The following SCUBE1 variants were observed in gnomAD, a reference collection of about 807,000 sequenced individuals.
SCUBE1 encodes the protein signal peptide, CUB and EGF-like domain-containing protein 1.
In SCUBE1, 59 loss-of-function variants were observed where a neutral mutation model predicts 124.4. The observed-to-expected ratio is 0.47, with a 90% CI of 0.38 to 0.59. The LOEUF (loss-of-function observed/expected upper bound fraction) is 0.59, where lower values mean the gene tolerates loss of function less well. Ranked by LOEUF, SCUBE1 falls within the 20% of genes least tolerant of loss-of-function variation. SCUBE1 has a pLI of 0.00. For synonymous variants in SCUBE1, 545 were observed against 550.9 expected (o/e 0.99, Z 0.15); for missense variants, 1,150 against 1,371.2 (o/e 0.84, Z 2.55).
At position 43,201,100 on chromosome 22, in the gene SCUBE1, G is replaced by C. The variant is rs1177694192; in HGVS notation, c.*2897C>G. The stretch of plus-strand genomic sequence containing the variant: ...GGGCGGATCACGAGGTCAGGAGATC[G>C]AGACCATCCTGGCTAATATGGTGAA... On this transcript the variant is annotated 3_prime_UTR_variant, in exon 22 of 22. Coordinates refer to ENST00000360835, the MANE Select transcript of SCUBE1 (RefSeq NM_173050.5). 6.6e-6 allele frequency: 1 copy of C among 151,856 alleles called. No homozygotes were observed. The highest frequency in any genetic ancestry group is 1.5e-5 in the Non-Finnish European group (1 of 67,986). 9.4% of individuals were successfully genotyped at this position (151,856 alleles called of 1,614,324 possible).
chr22:43,339,082 G>A (rs367858103), intron 2 of SCUBE1, 22 bp downstream of exon 2: 37 of 1,612,624 alleles, frequency 2.3e-5, no homozygotes, highest in Non-Finnish European at 2.9e-5. Context: ...GGGTCTGCCC[G>A]GGAGGGCCGG....
At position 43,336,901 on chromosome 22, in the gene SCUBE1, C is replaced by T. The variant is rs549468994; in HGVS notation, c.220+2203G>A. Among the ~76,000 whole-genome samples, 3 of 152,206 alleles carry T rather than the reference C, an allele frequency of 2.0e-5. No individual in the cohort carries two copies. In the East Asian group the frequency reaches 5.8e-4, roughly 29 times the overall value. On this transcript the variant is annotated intron_variant, in intron 2 of 21. Transcript: ENST00000360835. ...GGCAGGCGGAAAATCTGAGCTGGGG[C>T]TCACAAACATAGAGCAACCAAGTGT...
chr22:43,302,984 C>T (rs186825454), intron 3 of SCUBE1, among the ~76,000 whole-genome samples: 11 of 152,324 alleles, frequency 7.2e-5, no homozygotes, highest in Middle Eastern at 3.4e-3. Context: ...CAAACTTCCC[C>T]GAACCAAGGA....
chr22:43,338,960 G>T, intron 2 of SCUBE1, 144 bp downstream of exon 2: 1 of 935,996 alleles, frequency 1.1e-6, no homozygotes, highest in Non-Finnish European at 1.6e-6. Context: ...CCCTCCTGAG[G>T]CTGAGAGAAG....
At chr22:43,249,661 T>A (rs766559342) in intron 6 of SCUBE1, among the ~76,000 whole-genome samples, 2 of 152,202 alleles carry the variant, frequency 1.3e-5, no homozygotes, top group Non-Finnish European at 2.9e-5. Context: ...AAGCAGGTCA[T>A]GGCCATTTGG....
Position 43,198,920 on chromosome 22 carries a change from G to A in SCUBE1, c.*5077C>T, listed in dbSNP as rs180993718. 3.1e-4 allele frequency: 115 copies of A among 372,396 alleles called. No homozygotes were observed. Among genetic ancestry groups the A allele is most frequent in the African/African-American group, 2.4e-3 (113 of 47,120 alleles). The allele number at this position is 372,396 out of a possible 1,614,324, so 23.1% of individuals were successfully genotyped here. ...TTCCGGGGCAGTTTGTCTGTCTGCT[G>A]TCTGGGGCAGTTTGTCTGTCTGTCT... On this transcript the variant is annotated 3_prime_UTR_variant, in exon 22 of 22. Coordinates refer to ENST00000360835, the MANE Select transcript of SCUBE1 (RefSeq NM_173050.5).
At chr22:43,330,952 C>T (rs891309425) in intron 2 of SCUBE1, among the ~76,000 whole-genome samples, 1 of 152,072 alleles carries the variant, frequency 6.6e-6, no homozygotes, top group African/African-American at 2.4e-5. Context: ...CTTCTCTCCC[C>T]GCTGAGCCTC....
intron 7 of SCUBE1, among the ~76,000 whole-genome samples, chr22:43,236,756 C>G (rs1488498315): frequency 1.3e-5 from 2 of 152,194 alleles, no homozygotes; most frequent in African/African-American, 4.8e-5. Context: ...CTGAACTTCT[C>G]TATCCCACAC....
At chr22:43,259,395 T>C (rs894631997) in intron 5 of SCUBE1, among the ~76,000 whole-genome samples, 4 of 152,174 alleles carry the variant, frequency 2.6e-5, no homozygotes, top group African/African-American at 9.7e-5. Flanking sequence ...TATGCAAAAA[T>C]AAATCTCAGA....
At chr22:43,317,846 A>G (rs1926404618) in intron 3 of SCUBE1, among the ~76,000 whole-genome samples, 1 of 152,176 alleles carries the variant, frequency 6.6e-6, no homozygotes. Flanking sequence ...TTAAGATGAG[A>G]TTGTTAGGGT....
In SCUBE1 at chr22:43,199,087, G is replaced by GTCTGTCTGCTGTCTGGGGCAGTTTGTCTT. The variant is rs113930202; in HGVS notation, c.*4909_*4910insAAGACAAACTGCCCCAGACAGCAGACAGA. ...GTCTGCTGTCCGGGGCAGTTTGTTTGTCTGTCTGCTGTCTGGGGCAGTTTG... is the reference window on the plus strand; with the variant it reads ...GTCTGCTGTCCGGGGCAGTTTGTTTGTCTGTCTGCTGTCTGGGGCAGTTTGTCTTTCTGTCTGCTGTCTGGGGCAGTTTG... On this transcript the variant is annotated 3_prime_UTR_variant, in exon 22 of 22. Transcript: ENST00000360835. 12 of 303,634 alleles carry GTCTGTCTGCTGTCTGGGGCAGTTTGTCTT rather than the reference G, an allele frequency of 4.0e-5. No homozygotes were observed. The highest frequency in any genetic ancestry group is 1.1e-4 in the South Asian group (4 of 36,804). The allele number at this position is 303,634 out of a possible 1,614,324, so 18.8% of individuals were successfully genotyped here.
intron 2 of SCUBE1, among the ~76,000 whole-genome samples, chr22:43,326,354 A>G (rs138695105): frequency 6.9e-4 from 105 of 152,260 alleles, no homozygotes; most frequent in African/African-American, 2.2e-3. Flanking sequence ...GGAGAGATGT[A>G]TGGCTTAGGA....
At position 43,238,858 on chromosome 22, in the gene SCUBE1, G is replaced by T. The variant is rs552279204; in HGVS notation, c.824C>A (p.Pro275Gln). The change falls in exon 7 of 22, where the codon CCG becomes CAG. Residue 275 changes from proline to glutamine, a missense_variant. Around this residue, in one of 3 missense-constraint regions of SCUBE1, gnomAD observed 337 missense variants for 482.1 expected, o/e 0.70. Coordinates refer to ENST00000360835, the MANE Select transcript of SCUBE1 (RefSeq NM_173050.5). ...CSCPVGFTLQPDGKTCKDINE... is the reference protein window; with the variant it reads ...CSCPVGFTLQQDGKTCKDINE... ...CTGACCTTTGCATGTCTTCCCGTCC[G>T]GCTGCAGTGTGAATCCAACGGGGCA... 1.9e-6 allele frequency: 3 copies of T among 1,613,120 alleles called. No homozygotes were observed. The highest frequency in any genetic ancestry group is 8.5e-7 in the Non-Finnish European group (1 of 1,179,924).
At chr22:43,204,868 C>G (rs551422181) in intron 21 of SCUBE1, among the ~76,000 whole-genome samples, 1 of 150,430 alleles carries the variant, frequency 6.6e-6, no homozygotes, top group African/African-American at 2.5e-5. Flanking sequence ...TGCTTGAAAC[C>G]GGGAGGCGGA....
At chr22:43,291,302 GA>G in intron 3 of SCUBE1, 122 bp from the exon 4 acceptor site, 6 of 1,061,024 alleles carry the variant, frequency 5.7e-6, no homozygotes, top group South Asian at 1.5e-5. Context: ...AGGGACTCCA[GA>G]GAGGGCCTCC....
chr22:43,273,424 C>G (rs1414078624), intron 4 of SCUBE1, among the ~76,000 whole-genome samples: 1 of 152,134 alleles, frequency 6.6e-6, no homozygotes. Flanking sequence ...ACAGAAAGCT[C>G]TATGGGTTGG....
intron 3 of SCUBE1, among the ~76,000 whole-genome samples, chr22:43,319,437 C>T (rs906098515): frequency 6.6e-6 from 1 of 151,478 alleles, no homozygotes; most frequent in African/African-American, 2.4e-5. Flanking sequence ...TGGTGGCACG[C>T]CTGTAATCCC....
At chr22:43,251,703 CT>C (rs947814818) in intron 6 of SCUBE1, among the ~76,000 whole-genome samples, 1 of 152,224 alleles carries the variant, frequency 6.6e-6, no homozygotes, top group Non-Finnish European at 1.5e-5. Context: ...GGAAACAGCC[CT>C]GCCGACATCT....
intron 4 of SCUBE1, among the ~76,000 whole-genome samples, chr22:43,277,056 G>A (rs1454592688): frequency 6.6e-6 from 1 of 152,164 alleles, no homozygotes; most frequent in Non-Finnish European, 1.5e-5. Flanking sequence ...GACAGGGCAG[G>A]GAGGCTGAGG....
Sources: allele counts gnomAD v4.1 joint callset (sites outside exome capture counted in the v4.1 genomes callset), GRCh38; gene constraint gnomAD v4.1.1; regional missense constraint gnomAD v4.1.1; transcripts MANE v1.5; gene names NCBI Gene and HGNC (gene_info 2026-07-23, HGNC 2026-07-21).